PRELID2: variants seen among roughly 807,000 people sequenced by gnomAD.
PRELID2 encodes PRELI domain-containing protein 2.
PRELID2 carries 25 observed loss-of-function variants against 28.4 expected under a neutral mutation model. That is an observed-to-expected ratio of 0.88 (90% confidence interval 0.64 to 1.23). The LOEUF is 1.23. PRELID2 is among the 50% of genes most tolerant of loss of function. The pLI is 0.00. For synonymous variants in PRELID2, 76 were observed against 71.6 expected, an observed-to-expected ratio of 1.06 and a Z score of -0.31; for missense variants, 201 against 214.4, an observed-to-expected ratio of 0.94 and a Z score of 0.39.
At chr5:145,364,685 AGCATTTCAG>A in the PRELID2 span, among the ~76,000 whole-genome samples, 2 of 151,988 alleles carry the variant, frequency 1.3e-5, no homozygotes, top group Admixed American at 1.3e-4. Flanking sequence ...AGTAAACTTA[AGCATTTCAG>A]GTATTTGCCT....
chr5:145,484,909 A>T (rs892252217), intron 1 of PRELID2, among the ~76,000 whole-genome samples: 15 of 152,166 alleles, frequency 9.9e-5, no homozygotes, highest in African/African-American at 3.6e-4. Context: ...CTGAGATACA[A>T]TTCTTGCCCT....
intron 1 of PRELID2, among the ~76,000 whole-genome samples, chr5:145,686,673 C>T (rs145072725): frequency 6.6e-6 from 1 of 152,268 alleles, no homozygotes; most frequent in Non-Finnish European, 1.5e-5. Context: ...AAACGGGAAG[C>T]AGACCATGGG....
At chr5:145,543,793 A>G in intron 1 of PRELID2, among the ~76,000 whole-genome samples, 1 of 152,056 alleles carries the variant, frequency 6.6e-6, no homozygotes. Context: ...TCGCATTTGG[A>G]GGCCATCTAG....
At chr5:145,660,806 G>A (rs1754478853) in intron 1 of PRELID2, among the ~76,000 whole-genome samples, 3 of 152,198 alleles carry the variant, frequency 2.0e-5, no homozygotes, top group Admixed American at 2.0e-4. Context: ...AAATGCATCT[G>A]AAGAGTTTGA....
At chr5:145,599,056 T>C (rs954305750) in intron 1 of PRELID2, among the ~76,000 whole-genome samples, 6 of 152,264 alleles carry the variant, frequency 3.9e-5, no homozygotes, top group African/African-American at 1.2e-4. Context: ...CAACTAATCA[T>C]GGACCCCAAT....
chr5:145,271,832 C>T, the PRELID2 span, among the ~76,000 whole-genome samples: 1 of 152,164 alleles, frequency 6.6e-6, no homozygotes, highest in African/African-American at 2.4e-5. Context: ...TACAGAATCC[C>T]ATAACTATCT....
the PRELID2 span, among the ~76,000 whole-genome samples, chr5:145,313,311 CTA>C: frequency 6.6e-6 from 1 of 152,170 alleles, no homozygotes; most frequent in Non-Finnish European, 1.5e-5. Context: ...CTCAAGATGT[CTA>C]TCTTTCAGCA....
rs146405349 is a variant in PRELID2 at position 145,779,012 on chromosome 5, C to G, written c.475-14012G>C. ...TGATGTCTGGGGCATAGAAAGTACT[C>G]AAAAAATATGACCTGTTACTGTTAC... On this transcript the variant is annotated intron_variant, in intron 5 of 6. Transcript: ENST00000683046. 6.2e-4 allele frequency among the ~76,000 whole-genome samples: 94 copies of G among 152,208 alleles called. No homozygotes were observed. The East Asian group carries it at 0.016, about 26-fold the overall frequency.
At chr5:145,261,900 A>G in the PRELID2 span, among the ~76,000 whole-genome samples, 1 of 152,346 alleles carries the variant, frequency 6.6e-6, no homozygotes, top group Non-Finnish European at 1.5e-5. Flanking sequence ...TCAAGGAAGC[A>G]TTAGAGGAAG....
rs146727815 is a variant in PRELID2 at position 145,793,015 on chromosome 5, G to A, written c.474+3427C>T. ...TAAGTTCAGAACCACTCCGTTTCAA[G>A]GATACATCTGTCAACTTGGCTGCCA... is the stretch of plus-strand genomic sequence containing the variant. On this transcript the variant is annotated intron_variant, in intron 5 of 6. Coordinates refer to ENST00000683046, the MANE Select transcript of PRELID2 (RefSeq NM_205846.3). 7.5e-3 allele frequency among the ~76,000 whole-genome samples: 1,145 copies of A among 152,272 alleles called. 9 individuals are homozygous for A. Among genetic ancestry groups the A allele is most frequent in the African/African-American group, 0.025 (1,058 of 41,542 alleles).
intron 2 of PRELID2, among the ~76,000 whole-genome samples, chr5:145,822,039 G>A (rs572929814): frequency 6.6e-6 from 1 of 152,222 alleles, no homozygotes; most frequent in East Asian, 1.9e-4. Context: ...TACAGAAAAT[G>A]CATATACAAG....
intron 1 of PRELID2, among the ~76,000 whole-genome samples, chr5:145,641,403 T>C (rs189839473): frequency 1.3e-5 from 2 of 152,200 alleles, no homozygotes; most frequent in African/African-American, 4.8e-5. Flanking sequence ...TGTTAAGATA[T>C]CAGAAACACG....
At chr5:145,333,267 G>T in the PRELID2 span, among the ~76,000 whole-genome samples, 12 of 152,334 alleles carry the variant, frequency 7.9e-5, no homozygotes, top group South Asian at 2.1e-3. Context: ...ACTTGAGGAG[G>T]CAGTCTGTCC....
intron 1 of PRELID2, among the ~76,000 whole-genome samples, chr5:145,742,305 T>C (rs1237260621): frequency 8.3e-6 from 1 of 119,808 alleles, no homozygotes; most frequent in East Asian, 2.7e-4. Context: ...TAAATATTTA[T>C]ATATATAAAT....
At chr5:145,499,336 A>G (rs1752337909) in intron 1 of PRELID2, among the ~76,000 whole-genome samples, 1 of 152,236 alleles carries the variant, frequency 6.6e-6, no homozygotes, top group Non-Finnish European at 1.5e-5. Flanking sequence ...GACTAGAAGG[A>G]TATCACAAAT....
intron 1 of PRELID2, among the ~76,000 whole-genome samples, chr5:145,828,812 A>AC (rs996821044): frequency 3.0e-4 from 45 of 147,742 alleles, no homozygotes; most frequent in African/African-American, 8.2e-4. Context: ...AGGTCCATGT[A>AC]CTTAGATAGT....
chr5:145,674,983 T>C (rs17103607), intron 1 of PRELID2, among the ~76,000 whole-genome samples: 4,584 of 151,740 alleles, frequency 0.03, 217 homozygotes, highest in African/African-American at 0.1. Context: ...ATATCAGTAC[T>C]ATTAAAAAAT....
At chr5:145,465,757 G>A in the PRELID2 span, among the ~76,000 whole-genome samples, 10 of 152,144 alleles carry the variant, frequency 6.6e-5, no homozygotes, top group Admixed American at 1.3e-4. Flanking sequence ...AATATTGTCC[G>A]AGAAAACTTT....
chr5:145,445,763 C>T, the PRELID2 span, among the ~76,000 whole-genome samples: 1 of 151,914 alleles, frequency 6.6e-6, no homozygotes, highest in Non-Finnish European at 1.5e-5. Flanking sequence ...CACACACACA[C>T]ACACATCAAC....
Sources: allele counts gnomAD v4.1 joint callset (sites outside exome capture counted in the v4.1 genomes callset), GRCh38; gene constraint gnomAD v4.1.1; transcripts MANE v1.5; gene names NCBI Gene and HGNC (gene_info 2026-07-23, HGNC 2026-07-21).